XPC: variants seen among roughly 807,000 people sequenced by gnomAD.
XPC encodes the protein DNA repair protein complementing XP-C cells.
XPC carries 76 observed loss-of-function variants against 95.8 expected under a neutral mutation model. The observed-to-expected ratio is 0.79, with a 90% confidence interval of 0.66 to 0.96. The LOEUF is 0.96. XPC is among the 40% of genes least tolerant of loss of function. The pLI is 0.00. For synonymous variants in XPC, 442 were observed against 442.1 expected (o/e 1.00, Z 0.00); for missense variants, 1,146 against 1,179.8 (o/e 0.97, Z 0.42).
At chr3:14,156,280 T>A in intron 10 of XPC, 55 bp downstream of exon 10, 1 of 1,569,892 alleles carries the variant, frequency 6.4e-7, no homozygotes, top group South Asian at 1.2e-5. Flanking sequence ...GGAAGAAGGC[T>A]GCTAATCCCA....
At chr3:14,160,758 C>T (rs764529119) in intron 7 of XPC, among the ~76,000 whole-genome samples, 1 of 152,188 alleles carries the variant, frequency 6.6e-6, no homozygotes, top group Non-Finnish European at 1.5e-5. Flanking sequence ...TAGCTGATGG[C>T]ATTGTACCAG....
At chr3:14,165,893 T>C in intron 5 of XPC, 1 of 299,544 alleles carries the variant, frequency 3.3e-6, no homozygotes, top group Non-Finnish European at 6.6e-6. Flanking sequence ...TACTGAAAGA[T>C]TTCTGGATGA....
chr3:14,173,086 G>T, intron 1 of XPC, 24 bp from the exon 2 acceptor site: 1 of 1,511,064 alleles, frequency 6.6e-7, no homozygotes, highest in Non-Finnish European at 8.9e-7. Flanking sequence ...CAGAACATAA[G>T]GTGAGGGGTG....
At position 14,156,448 on chromosome 3, in the gene XPC, T is replaced by C; in HGVS notation, c.1920A>G (p.Leu640=). The C allele has an allele frequency of 1.2e-6, 2 of 1,613,982 alleles. No individual in the cohort carries two copies. The highest frequency in any genetic ancestry group is 2.2e-5 in the South Asian group (2 of 91,086). The part of the protein sequence containing the change: ...MDQPLPTAIG[L]YKNHPLYALK... The stretch of plus-strand genomic sequence containing the variant: ...GGGCATACAGAGGGTGGTTCTTATA[T>C]AAGCCAATGGCAGTGGGCAAAGGCT... Residue 640 remains leucine (L), a synonymous_variant, in exon 10 of 16, where the codon TTA becomes TTG. Coordinates refer to ENST00000285021, the MANE Select transcript of XPC (RefSeq NM_004628.5).
intron 10 of XPC, among the ~76,000 whole-genome samples, chr3:14,155,088 C>G (rs937105936): frequency 1.3e-5 from 2 of 152,132 alleles, no homozygotes; most frequent in Non-Finnish European, 2.9e-5. Flanking sequence ...AGTCCCAGAA[C>G]AGCAAAGCCC....
chr3:14,162,640 T>A (rs191436734), intron 7 of XPC, among the ~76,000 whole-genome samples: 207 of 152,332 alleles, frequency 1.4e-3, no homozygotes, highest in Non-Finnish European at 2.5e-3. Flanking sequence ...TCACAACGTA[T>A]GTAAGAGCAG....
chr3:14,159,970 C>A (rs547005045), intron 7 of XPC, 140 bp from the exon 8 acceptor site: 8 of 691,286 alleles, frequency 1.2e-5, no homozygotes, highest in South Asian at 6.0e-5. Context: ...GCGACGGAAA[C>A]TCCAGACACT....
Position 14,170,548 on chromosome 3 carries a change from T to C in XPC, c.302A>G (p.Asp101Gly). 6.2e-7 allele frequency: 1 copy of C among 1,610,272 alleles called. No homozygotes were observed. The change falls in exon 3 of 16, where the codon GAC (aspartate) becomes GGC (glycine). Residue 101 changes from aspartate (D) to glycine (G), a missense_variant and splice_region_variant. Coordinates refer to ENST00000285021, the MANE Select transcript of XPC (RefSeq NM_004628.5). ...EALSDGDDLR[D>G]FPSDLKKAHH... ...TGCCTTCTTGAGGTCACTTGGAAAG[T>C]CCCTGTGTAAAGACCACAGGAAGGA... is the stretch of plus-strand genomic sequence containing the variant.
chr3:14,157,378 G>A (rs1695959210), intron 9 of XPC, among the ~76,000 whole-genome samples: 1 of 152,148 alleles, frequency 6.6e-6, no homozygotes, highest in Non-Finnish European at 1.5e-5. Flanking sequence ...TTCCTGTGTA[G>A]AAATGGCAAG....
rs539897518 is a variant in XPC, at chr3:14,178,106, G to A, written c.103+360C>T. On this transcript the variant is annotated intron_variant, in intron 1 of 15. Transcript: ENST00000285021. ...AGACTCAGCTGAAGTTATCATTCGG[G>A]AGTCAGCACACTGCATCACTCTACG... Among the ~76,000 whole-genome samples, 4 of 152,370 alleles carry A rather than the reference G, an allele frequency of 2.6e-5. No individual in the cohort carries two copies. In the East Asian group the frequency reaches 5.8e-4, roughly 22 times the overall value.
intron 11 of XPC, chr3:14,151,592 G>A (rs930611039): frequency 1.3e-5 from 2 of 152,100 alleles, no homozygotes; most frequent in Admixed American, 1.3e-4. Context: ...CAGCTTCCCG[G>A]AGTCTTGCAA....
chr3:14,154,951 T>C (rs1347621352), intron 10 of XPC, among the ~76,000 whole-genome samples: 2 of 152,304 alleles, frequency 1.3e-5, no homozygotes, highest in African/African-American at 2.4e-5. Context: ...ACTGACATGG[T>C]GCCTCTGGAC....
intron 10 of XPC, among the ~76,000 whole-genome samples, chr3:14,156,046 A>C (rs3731143): frequency 6.6e-6 from 1 of 152,076 alleles, no homozygotes; most frequent in Non-Finnish European, 1.5e-5. Flanking sequence ...TTTTTGACTT[A>C]TATTTGTGGG....
Position 14,158,473 on chromosome 3 carries a change from G to A in XPC, c.1410C>T (p.Ala470=). ...SEPGPPKQRK[A]PAPQRTKAGS... is the part of the protein sequence containing the mutation. Reference sequence around the variant, plus strand: ...CAGCCTTTGTCCTCTGAGGAGCGGGGGCTTTCCTCTGCTTTGGAGGGCCAG... The same window carrying A: ...CAGCCTTTGTCCTCTGAGGAGCGGGAGCTTTCCTCTGCTTTGGAGGGCCAG... The change falls in exon 9 of 16, where the codon GCC becomes GCT. Residue 470 remains alanine, a synonymous_variant. Transcript: ENST00000285021. This position sits in a 1 kb window ranked among gnomAD's most constrained non-coding sequence, Gnocchi z 5.2. The A allele has an allele frequency of 1.2e-6, 2 of 1,612,770 alleles. No individual in the cohort carries two copies. The highest frequency in any genetic ancestry group is 1.1e-5 in the South Asian group (1 of 91,058).
chr3:14,170,393 ACAAACAGAAC>A, intron 3 of XPC, 35 bp downstream of exon 3: 1 of 1,582,472 alleles, frequency 6.3e-7, no homozygotes, highest in Non-Finnish European at 8.7e-7. Context: ...AAACAAAAAA[ACAAACAGAAC>A]CAAACAGTTC....
At chr3:14,152,132 T>C (rs935910283) in intron 11 of XPC, 7 of 527,888 alleles carry the variant, frequency 1.3e-5, no homozygotes, top group Non-Finnish European at 2.0e-5. Context: ...GGAAGATCCA[T>C]TTCTTACAAA....
At chr3:14,146,631 CAT>C (rs1469346147) in intron 15 of XPC, among the ~76,000 whole-genome samples, 3 of 152,166 alleles carry the variant, frequency 2.0e-5, no homozygotes, top group African/African-American at 7.2e-5. Flanking sequence ...CTGGTCAGAA[CAT>C]AAAGTCAGAT....
chr3:14,150,264 G>A (rs1695635915), intron 11 of XPC, among the ~76,000 whole-genome samples: 1 of 152,242 alleles, frequency 6.6e-6, no homozygotes, highest in Admixed American at 6.5e-5. Flanking sequence ...GCTGGCCCCT[G>A]GGCCTCAGCA....
In XPC at chr3:14,146,105, C is replaced by G; in HGVS notation, c.2659G>C (p.Glu887Gln). 6.2e-7 allele frequency: 1 copy of G among 1,612,088 alleles called. No individual in the cohort carries two copies. Among genetic ancestry groups the G allele is most frequent in the Non-Finnish European group, 8.5e-7 (1 of 1,179,406 alleles). ...TCTGCTTGAGAGCTGGTCCCCTCCT[C>G]TTCATCAGAAGAGAGTCCACCTCCT... is the stretch of plus-strand genomic sequence containing the variant. ...DAGGGLSSDE[E>Q]EGTSSQAEAA... Residue 887 changes from glutamate to glutamine, a missense_variant, in exon 16 of 16, where the codon GAG becomes CAG. Glu to Gln is a conservative substitution (Grantham distance 29, BLOSUM62 2). Transcript: ENST00000285021.
Sources: gnomAD v4.1 joint callset for allele counts (sites outside exome capture counted in the v4.1 genomes callset) on GRCh38, gnomAD v4.1.1 for gene constraint, Gnocchi (gnomAD v3.1) non-coding constraint, MANE v1.5 for transcripts, NCBI Gene and HGNC (gene_info 2026-07-23, HGNC 2026-07-21) for gene names.